Variants in GALNT13 observed in about 807,000 individuals in gnomAD.
GALNT13 encodes the protein UDP-GalNAc:polypeptide N-acetylgalactosaminyltransferase 13.
In GALNT13, 28 loss-of-function variants were observed where a neutral mutation model predicts 64.2. The ratio of observed to expected loss-of-function variants is 0.44; its 90% CI spans 0.32 to 0.60. The LOEUF is 0.60. Ranked by LOEUF, GALNT13 falls within the 20% of genes least tolerant of loss-of-function variation. The pLI is 0.05. For missense variants in GALNT13, 577 were observed against 669.8 expected (o/e 0.86, Z 1.53); for synonymous variants, 214 against 224.6 (o/e 0.95, Z 0.42).
chr2:153,438,384 T>TTGGGGAAGTGCTCCTGGATAATATCC, the GALNT13 span, among the ~76,000 whole-genome samples: 1 of 152,214 alleles, frequency 6.6e-6, no homozygotes, highest in South Asian at 2.1e-4. Context: ...CTTTGCTCGA[T>TTGGGGAAGTGCTCCTGGATAATATCC]TGGGGAAGTG....
At chr2:153,878,347 T>G (rs1686538069) in intron 1 of GALNT13, among the ~76,000 whole-genome samples, 1 of 152,182 alleles carries the variant, frequency 6.6e-6, no homozygotes, top group South Asian at 2.1e-4. Context: ...TGTGCTTGGA[T>G]GCCCATCTTA....
chr2:153,639,443 G>A, the GALNT13 span, among the ~76,000 whole-genome samples: 1 of 152,104 alleles, frequency 6.6e-6, no homozygotes, highest in African/African-American at 2.4e-5. Flanking sequence ...AGGAATTCAA[G>A]GAACTGGGTG....
chr2:154,435,305 G>A (rs1224158361), intron 11 of GALNT13, among the ~76,000 whole-genome samples: 2 of 152,168 alleles, frequency 1.3e-5, no homozygotes, highest in African/African-American at 4.8e-5. Context: ...ATATGTGATA[G>A]TTTAAGGTAA....
At chr2:153,507,095 T>C in the GALNT13 span, among the ~76,000 whole-genome samples, 1 of 152,132 alleles carries the variant, frequency 6.6e-6, no homozygotes, top group Non-Finnish European at 1.5e-5. Context: ...TCAAAAGCCT[T>C]GTATTCAAGC....
intron 4 of GALNT13, among the ~76,000 whole-genome samples, chr2:154,166,370 A>T (rs1284073296): frequency 6.6e-6 from 1 of 152,226 alleles, no homozygotes; most frequent in Non-Finnish European, 1.5e-5. Flanking sequence ...ACGCCACTGC[A>T]CTTCAGCCTG....
intron 3 of GALNT13, among the ~76,000 whole-genome samples, chr2:153,979,983 T>C (rs1340650927): frequency 6.6e-6 from 1 of 152,180 alleles, no homozygotes; most frequent in African/African-American, 2.4e-5. Context: ...GATATGAGAG[T>C]AATCCAGAGA....
Position 154,073,507 on chromosome 2 carries a change from C to G in GALNT13, c.143-66830C>G, listed in dbSNP as rs1700842781. 2.0e-5 allele frequency among the ~76,000 whole-genome samples: 3 copies of G among 151,830 alleles called. No individual in the cohort carries two copies. The South Asian group carries it at 6.2e-4, about 31-fold the overall frequency. ...TGATAGTTTTCCAATAAAGATTATT[C>G]TGAGAAAAGTTATAAACAAACGTAT... On this transcript the variant is annotated intron_variant, in intron 3 of 12. Transcript: ENST00000392825.
intron 3 of GALNT13, among the ~76,000 whole-genome samples, chr2:154,018,193 G>A (rs1242829765): frequency 6.6e-6 from 1 of 152,118 alleles, no homozygotes; most frequent in Non-Finnish European, 1.5e-5. Context: ...GTAAATATAT[G>A]AACGGAAACA....
intron 9 of GALNT13, among the ~76,000 whole-genome samples, chr2:154,314,185 T>C (rs1694206971): frequency 6.6e-6 from 1 of 152,194 alleles, no homozygotes; most frequent in South Asian, 2.1e-4. Flanking sequence ...CTCTTCAGAG[T>C]ACCTCAGTTT....
chr2:153,978,874 T>C (rs946138610), intron 3 of GALNT13, among the ~76,000 whole-genome samples: 3 of 152,188 alleles, frequency 2.0e-5, no homozygotes, highest in Middle Eastern at 6.8e-3. Context: ...AGTTTGAGGC[T>C]GCAGTGAGCT....
intron 1 of GALNT13, among the ~76,000 whole-genome samples, chr2:153,891,853 C>G (rs1042802225): frequency 6.6e-6 from 1 of 151,970 alleles, no homozygotes; most frequent in African/African-American, 2.4e-5. Context: ...GGCCTTGCAT[C>G]TCACTTTTTA....
chr2:153,444,779 T>A, the GALNT13 span, among the ~76,000 whole-genome samples: 1 of 152,188 alleles, frequency 6.6e-6, no homozygotes, highest in Non-Finnish European at 1.5e-5. Context: ...TTTTTTCTAT[T>A]AATTGCTAAG....
the GALNT13 span, among the ~76,000 whole-genome samples, chr2:153,646,668 T>G: frequency 1.3e-4 from 20 of 152,164 alleles, no homozygotes; most frequent in East Asian, 3.9e-3. Context: ...TGTGTCCATG[T>G]GTTCTCATTG....
the GALNT13 span, among the ~76,000 whole-genome samples, chr2:153,777,398 T>C: frequency 6.6e-6 from 1 of 152,176 alleles, no homozygotes; most frequent in Non-Finnish European, 1.5e-5. Context: ...GTCTGAATGT[T>C]TGTGGTCCTC....
chr2:153,863,146 C>T, the GALNT13 span, among the ~76,000 whole-genome samples: 1 of 152,106 alleles, frequency 6.6e-6, no homozygotes, highest in African/African-American at 2.4e-5. Context: ...AGTTTGTCTA[C>T]TTAAAATTTT....
chr2:153,827,349 C>T, the GALNT13 span, among the ~76,000 whole-genome samples: 25 of 152,130 alleles, frequency 1.6e-4, no homozygotes, highest in Admixed American at 1.6e-3. Context: ...GGAGGCTGGG[C>T]ACAGTGGCTC....
Position 153,875,556 on chromosome 2 carries a change from T to A in GALNT13, c.-177+3253T>A, listed in dbSNP as rs1463516118. ...CAAGTTGATTTCTAGAAATAGTAGT[T>A]GTAACAGGAGCATTTTCATGTAATA... is the stretch of plus-strand genomic sequence containing the variant. On this transcript the variant is annotated intron_variant, in intron 1 of 12. Transcript: ENST00000392825. Among the ~76,000 whole-genome samples the A allele has an allele frequency of 5.9e-5, 9 of 152,264 alleles. No individual in the cohort carries two copies. In the East Asian group the frequency reaches 1.7e-3, roughly 29 times the overall value.
At chr2:154,156,790 G>C (rs1383646849) in intron 4 of GALNT13, among the ~76,000 whole-genome samples, 1 of 152,104 alleles carries the variant, frequency 6.6e-6, no homozygotes, top group Non-Finnish European at 1.5e-5. Context: ...GTTGGCCCTT[G>C]AATAAAGTCT....
At chr2:154,014,323 C>T (rs1696848325) in intron 3 of GALNT13, among the ~76,000 whole-genome samples, 1 of 152,022 alleles carries the variant, frequency 6.6e-6, no homozygotes, top group Non-Finnish European at 1.5e-5. Flanking sequence ...ACTAGGATTA[C>T]GGGGGTCTGT....
Sources: allele counts gnomAD v4.1 joint callset (sites outside exome capture counted in the v4.1 genomes callset), GRCh38; gene constraint gnomAD v4.1.1; transcripts MANE v1.5; gene names NCBI Gene and HGNC (gene_info 2026-07-23, HGNC 2026-07-21).